The following DLC1 variants were observed in gnomAD, a reference collection of about 807,000 sequenced individuals.
DLC1 encodes the protein DLC1 Rho GTPase activating protein.
Under a neutral mutation model 140.3 loss-of-function variants are expected in DLC1, and 54 were observed. The observed-to-expected ratio is 0.38, with a 90% CI of 0.31 to 0.48. The LOEUF is 0.48. Among genes scored for constraint, DLC1 ranks in the 20% least tolerant of loss-of-function variants. DLC1 has a pLI of 0.96. For synonymous variants in DLC1, 986 were observed against 728.1 expected, an observed-to-expected ratio of 1.35 and a Z score of -5.70; for missense variants, 2,536 against 1,907.0, an observed-to-expected ratio of 1.33 and a Z score of -6.14.
chr8:13,407,591 A>G (rs1374559427), intron 2 of DLC1, among the ~76,000 whole-genome samples: 2 of 152,208 alleles, frequency 1.3e-5, no homozygotes, highest in African/African-American at 4.8e-5. Flanking sequence ...AGATGCTTCC[A>G]AATAGTGGAC....
At position 13,524,108 on chromosome 8, in the gene DLC1, TTTATTATTATTATTATTATTATTA is replaced by T. The variant is rs77161996; in HGVS notation, c.-125-23936_-125-23913del. Reference sequence around the variant, plus strand: ...ACCATCACAGTTGTTATCTATTCTATTTATTATTATTATTATTATTATTATTATTATTATTATTATTATTATTGA... The same window carrying T: ...ACCATCACAGTTGTTATCTATTCTATTTATTATTATTATTATTATTATTGA... On this transcript the variant is annotated intron_variant, in intron 1 of 1. Coordinates refer to the DLC1 transcript ENST00000631382. 7.9e-5 allele frequency among the ~76,000 whole-genome samples: 11 copies of T among 138,716 alleles called. No individual in the cohort carries two copies. The East Asian group carries it at 1.9e-3, about 24-fold the overall frequency. 91.0% of individuals were successfully genotyped at this position (138,716 alleles called of 152,430 possible). A position where few individuals can be genotyped will look rare whatever the true frequency, so the allele number is the denominator to read the frequency against.
intron 4 of DLC1, among the ~76,000 whole-genome samples, chr8:13,381,777 C>T (rs1836274243): frequency 6.6e-6 from 1 of 152,056 alleles, no homozygotes; most frequent in Admixed American, 6.6e-5. Flanking sequence ...AACCATGGGA[C>T]ATAATAGATG....
At chr8:13,451,072 A>G (rs1288545650) in intron 2 of DLC1, among the ~76,000 whole-genome samples, 1 of 149,864 alleles carries the variant, frequency 6.7e-6, no homozygotes, top group Non-Finnish European at 1.5e-5. Context: ...AAAAAAAGAA[A>G]AAAAGAAAAA....
In DLC1 at chr8:13,085,887, C is replaced by T; in HGVS notation, c.4511G>A (p.Cys1504Tyr). Residue 1504 changes from cysteine to tyrosine, a missense_variant, in exon 18 of 18, where the codon TGT becomes TAT. Cys to Tyr is a radical substitution (Grantham distance 194). Coordinates refer to ENST00000276297, the MANE Select transcript of DLC1 (RefSeq NM_182643.3). The stretch of plus-strand genomic sequence containing the variant: ...CCGGATCTTTACAACTTCAGCTGCA[C>T]ACAAATGTCCAAAAGATTTTGTGTA... Reference protein sequence around the residue: ...EWYTKSFGHLCAAEVVKIRDS... With the variant: ...EWYTKSFGHLYAAEVVKIRDS... The T allele has an allele frequency of 6.2e-7, 1 of 1,614,172 alleles. No individual in the cohort carries two copies. The highest frequency in any genetic ancestry group is 1.3e-5 in the African/African-American group (1 of 75,052).
chr8:13,582,360 A>G (rs1391225006), intron 1 of DLC1, among the ~76,000 whole-genome samples: 4 of 152,326 alleles, frequency 2.6e-5, no homozygotes, highest in African/African-American at 7.2e-5. Flanking sequence ...CAAAGTATTA[A>G]TCCTGGGTGT....
intron 4 of DLC1, among the ~76,000 whole-genome samples, chr8:13,305,990 T>C (rs779036524): frequency 6.6e-6 from 1 of 152,224 alleles, no homozygotes; most frequent in African/African-American, 2.4e-5. Context: ...CCCTGTTGCT[T>C]ATTTTTTCTG....
At chr8:13,158,012 G>C (rs1253466085) in intron 5 of DLC1, among the ~76,000 whole-genome samples, 1 of 152,212 alleles carries the variant, frequency 6.6e-6, no homozygotes, top group Non-Finnish European at 1.5e-5. Flanking sequence ...TCAGGGTTTG[G>C]AACTTGTGCA....
intron 5 of DLC1, among the ~76,000 whole-genome samples, chr8:13,218,995 T>TAATTATAG (rs1828378791): frequency 8.1e-6 from 1 of 123,132 alleles, no homozygotes; most frequent in Non-Finnish European, 1.6e-5. Context: ...TATAATTATA[T>TAATTATAG]ACGAATATAA....
At chr8:13,370,487 ACTT>A (rs1835680497) in intron 4 of DLC1, among the ~76,000 whole-genome samples, 3 of 152,006 alleles carry the variant, frequency 2.0e-5, no homozygotes, top group African/African-American at 2.4e-5. Context: ...TCCAGGGCAG[ACTT>A]CTTCTTGGAG....
chr8:13,100,506 C>G lies in DLC1; in HGVS notation c.1831G>C (p.Glu611Gln), dbSNP rs770155030. The change falls in exon 9 of 18, where the codon GAG becomes CAG. Residue 611 changes from glutamate to glutamine, a missense_variant. Coordinates refer to ENST00000276297, the MANE Select transcript of DLC1 (RefSeq NM_182643.3). ...GSLPSHAPPSEDAATPRTNSV... is the reference protein window; with the variant it reads ...GSLPSHAPPSQDAATPRTNSV... The stretch of plus-strand genomic sequence containing the variant: ...TTAGTCCGGGGGGTGGCAGCATCCT[C>G]GCTGGGGGGCGCGTGGCTGGGGAGG... 8 of 1,612,270 alleles carry G rather than the reference C, an allele frequency of 5.0e-6. No homozygotes were observed. The highest frequency in any genetic ancestry group is 4.0e-5 in the African/African-American group (3 of 74,900).
intron 3 of DLC1, among the ~76,000 whole-genome samples, chr8:13,400,521 C>A (rs1837247160): frequency 2.0e-5 from 3 of 152,250 alleles, no homozygotes; most frequent in South Asian, 4.1e-4. Context: ...ACAGAGCTAA[C>A]AATTGTTATA....
chr8:13,357,560 A>C (rs924165957), intron 4 of DLC1, among the ~76,000 whole-genome samples: 14 of 152,276 alleles, frequency 9.2e-5, no homozygotes, highest in Admixed American at 7.8e-4. Context: ...GCACATTCTT[A>C]CTGGGTTTCT....
intron 1 of DLC1, among the ~76,000 whole-genome samples, chr8:13,588,485 T>G (rs1805407987): frequency 6.6e-6 from 1 of 152,090 alleles, no homozygotes; most frequent in African/African-American, 2.4e-5. Context: ...ATCATTGCCA[T>G]GCTCATCCAA....
At chr8:13,220,323 C>G (rs139309732) in intron 5 of DLC1, among the ~76,000 whole-genome samples, 71 of 152,146 alleles carry the variant, frequency 4.7e-4, no homozygotes, top group African/African-American at 1.3e-3. Flanking sequence ...GAATTTGCAG[C>G]AAAGGATAAA....
At chr8:13,153,568 G>T (rs1212902249) in intron 5 of DLC1, among the ~76,000 whole-genome samples, 1 of 152,222 alleles carries the variant, frequency 6.6e-6, no homozygotes, top group African/African-American at 2.4e-5. Context: ...CCCACATCCT[G>T]CTGATTGGTC....
intron 5 of DLC1, among the ~76,000 whole-genome samples, chr8:13,253,445 G>T (rs1830091546): frequency 6.6e-6 from 1 of 152,072 alleles, no homozygotes; most frequent in Non-Finnish European, 1.5e-5. Context: ...GTGTGTGTGT[G>T]TGTGTGATTG....
At position 13,455,378 on chromosome 8, in the gene DLC1, A is replaced by C. The variant is rs529482919; in HGVS notation, c.1023+43671T>G. Among the ~76,000 whole-genome samples the C allele has an allele frequency of 3.9e-5, 6 of 152,238 alleles. No homozygotes were observed. In the South Asian group the frequency reaches 1.0e-3, roughly 26 times the overall value. Reference sequence around the variant, plus strand: ...GCACTCCAAGTGTCCCATGACATTCAGAACAGGAGCCAAAGATTCTCCAAA... The same window carrying C: ...GCACTCCAAGTGTCCCATGACATTCCGAACAGGAGCCAAAGATTCTCCAAA... On this transcript the variant is annotated intron_variant, in intron 2 of 17. Transcript: ENST00000276297.
intron 2 of DLC1, among the ~76,000 whole-genome samples, chr8:13,477,680 T>C (rs1186555352): frequency 1.3e-5 from 2 of 152,136 alleles, no homozygotes; most frequent in Non-Finnish European, 2.9e-5. Flanking sequence ...TGGCAAACAA[T>C]TTATCATATC....
At chr8:13,447,210 C>A (rs1275430003) in intron 2 of DLC1, among the ~76,000 whole-genome samples, 2 of 152,084 alleles carry the variant, frequency 1.3e-5, no homozygotes, top group East Asian at 3.9e-4. Flanking sequence ...TCTATGGTTA[C>A]AAAATGTTTA....
Sources: allele counts gnomAD v4.1 joint callset (sites outside exome capture counted in the v4.1 genomes callset), GRCh38; gene constraint gnomAD v4.1.1; transcripts MANE v1.5; gene names NCBI Gene and HGNC (gene_info 2026-07-23, HGNC 2026-07-21).